The following DOCK3 variants were observed in gnomAD, a reference collection of about 807,000 sequenced individuals.
The protein encoded by DOCK3 is dedicator of cytokinesis protein 3.
DOCK3 carries 60 observed loss-of-function variants against 265.6 expected under a neutral mutation model. That is an observed-to-expected ratio of 0.23 (90% CI 0.18 to 0.28). DOCK3 has a LOEUF of 0.28. Among genes scored for constraint, DOCK3 ranks in the 10% least tolerant of loss-of-function variants. The probability of loss-of-function intolerance (pLI) is 1.00; values close to 1 mark genes in which losing one functional copy is unlikely to be tolerated. For missense variants in DOCK3, 1,981 were observed against 2,594.3 expected (o/e 0.76, Z 5.14); for synonymous variants, 881 against 938.0 (o/e 0.94, Z 1.11).
At chr3:50,987,407 A>G (rs1213513328) in intron 5 of DOCK3, among the ~76,000 whole-genome samples, 1 of 152,184 alleles carries the variant, frequency 6.6e-6, no homozygotes, top group Non-Finnish European at 1.5e-5. Context: ...CCTTAGAACA[A>G]TCTTATGAGC....
At chr3:50,891,116 A>G (rs1179805129) in intron 4 of DOCK3, among the ~76,000 whole-genome samples, 5 of 151,986 alleles carry the variant, frequency 3.3e-5, no homozygotes, top group South Asian at 4.1e-4. Context: ...GCTGGAACCT[A>G]TTTTCACTGT....
At chr3:50,857,044 A>G (rs1050180822) in intron 3 of DOCK3, among the ~76,000 whole-genome samples, 2 of 152,182 alleles carry the variant, frequency 1.3e-5, no homozygotes, top group Non-Finnish European at 2.9e-5. Context: ...GTGATTAATT[A>G]TCTTTTGATG....
At chr3:50,936,492 A>C (rs1387414450) in intron 5 of DOCK3, among the ~76,000 whole-genome samples, 1 of 152,148 alleles carries the variant, frequency 6.6e-6, no homozygotes, top group East Asian at 1.9e-4. Flanking sequence ...ACCCCAAAGA[A>C]ATCTATACTC....
intron 2 of DOCK3, among the ~76,000 whole-genome samples, chr3:50,830,567 G>C (rs1576575953): frequency 6.6e-6 from 1 of 152,252 alleles, no homozygotes; most frequent in East Asian, 1.9e-4. Context: ...GATCTGGTTT[G>C]ATTGGTTTGC....
At chr3:51,216,496 C>T (rs2089796634) in intron 14 of DOCK3, among the ~76,000 whole-genome samples, 1 of 152,178 alleles carries the variant, frequency 6.6e-6, no homozygotes, top group Non-Finnish European at 1.5e-5. Context: ...GGCTGTGAGC[C>T]TGCCTTTGAA....
rs1174611907 is a variant in DOCK3 at position 50,675,008 on chromosome 3, G to C, written c.-256G>C. On this transcript the variant is annotated 5_prime_UTR_variant, in exon 1 of 53. Coordinates refer to ENST00000266037, the MANE Select transcript of DOCK3 (RefSeq NM_004947.5). The surrounding 1 kb of genome is among the most constrained non-coding windows in gnomAD (Gnocchi z 6.1). Reference sequence around the variant, plus strand: ...TGAAGAAGCAAGCGGCGGCACGGGAGCAGCGGCGACGGACAGGTGGCGAGC... The same window carrying C: ...TGAAGAAGCAAGCGGCGGCACGGGACCAGCGGCGACGGACAGGTGGCGAGC... 1 of 151,590 alleles carries C rather than the reference G, an allele frequency of 6.6e-6. No individual in the cohort carries two copies. Among genetic ancestry groups the C allele is most frequent in the Admixed American group, 6.7e-5 (1 of 15,036 alleles). 9.4% of individuals were successfully genotyped at this position (151,590 alleles called of 1,614,324 possible).
Position 50,715,011 on chromosome 3 carries a change from A to G in DOCK3, c.37+39711A>G, listed in dbSNP as rs149833427. Among the ~76,000 whole-genome samples the G allele has an allele frequency of 3.9e-5, 6 of 152,250 alleles. No homozygotes were observed. In the East Asian group the frequency reaches 7.7e-4, roughly 20 times the overall value. ...ACCTTTTATGTGCTTTAGCAATTGC[A>G]CTCAACATATTTTATAAGGATTACT... On this transcript the variant is annotated intron_variant, in intron 1 of 52. Transcript: ENST00000266037.
Position 51,115,013 on chromosome 3 carries a change from A to G in DOCK3, c.746+24629A>G, listed in dbSNP as rs1156470109. 2.0e-5 allele frequency among the ~76,000 whole-genome samples: 3 copies of G among 152,002 alleles called. No homozygotes were observed. The East Asian group carries it at 5.8e-4, about 29-fold the overall frequency. Reference sequence around the variant, plus strand: ...CTTTTTTATGACTGCATAGTATTCCATGTTGTATATGTGCCACATTTTCTT... The same window carrying G: ...CTTTTTTATGACTGCATAGTATTCCGTGTTGTATATGTGCCACATTTTCTT... On this transcript the variant is annotated intron_variant, in intron 9 of 52. Coordinates refer to ENST00000266037, the MANE Select transcript of DOCK3 (RefSeq NM_004947.5).
chr3:50,803,255 G>A (rs1342310814), intron 2 of DOCK3, among the ~76,000 whole-genome samples: 1 of 151,996 alleles, frequency 6.6e-6, no homozygotes, highest in African/African-American at 2.4e-5. Context: ...GGGTACTTGA[G>A]ATTAGGGAGT....
intron 9 of DOCK3, among the ~76,000 whole-genome samples, chr3:51,103,913 A>G (rs1474032328): frequency 2.0e-5 from 3 of 152,170 alleles, no homozygotes; most frequent in Admixed American, 6.5e-5. Context: ...TCTACCCATA[A>G]TGGGGGATGA....
intron 2 of DOCK3, among the ~76,000 whole-genome samples, chr3:50,810,248 T>A (rs1169436945): frequency 6.6e-6 from 1 of 152,118 alleles, no homozygotes. Flanking sequence ...GTATGTATAC[T>A]CTTTAAAAAT....
chr3:50,877,660 C>A (rs948277563), intron 3 of DOCK3: 8 of 357,552 alleles, frequency 2.2e-5, no homozygotes, highest in Non-Finnish European at 4.3e-5. Context: ...TTTTTCTTTT[C>A]TTTTCTTTTC....
At chr3:50,707,309 T>C (rs576041937) in intron 1 of DOCK3, among the ~76,000 whole-genome samples, 28 of 151,956 alleles carry the variant, frequency 1.8e-4, no homozygotes, top group Non-Finnish European at 3.7e-4. Context: ...TGGTAGGGCA[T>C]GCCTGTAATA....
chr3:50,966,502 C>T (rs201927449), intron 5 of DOCK3, among the ~76,000 whole-genome samples: 251 of 113,998 alleles, frequency 2.2e-3, no homozygotes, highest in Non-Finnish European at 2.8e-3. Context: ...TTTTTTCTTC[C>T]TTTTTTTTTT....
intron 5 of DOCK3, among the ~76,000 whole-genome samples, chr3:51,052,822 C>G (rs939788808): frequency 6.6e-6 from 1 of 151,802 alleles, no homozygotes; most frequent in Non-Finnish European, 1.5e-5. Flanking sequence ...TATTCTTTTA[C>G]TGTGGAATGT....
chr3:51,125,534 A>G (rs2084227901), intron 9 of DOCK3, among the ~76,000 whole-genome samples: 1 of 152,170 alleles, frequency 6.6e-6, no homozygotes, highest in African/African-American at 2.4e-5. Context: ...GTGCTGTGAC[A>G]TGTAATATCA....
At chr3:51,269,133 C>CTATA (rs1181268979) in intron 23 of DOCK3, among the ~76,000 whole-genome samples, 4 of 146,514 alleles carry the variant, frequency 2.7e-5, no homozygotes, top group African/African-American at 7.5e-5. Context: ...CTCTCTCTCT[C>CTATA]TCTCTATATA....
chr3:51,112,968 A>C (rs938045576), intron 9 of DOCK3, among the ~76,000 whole-genome samples: 4 of 152,218 alleles, frequency 2.6e-5, no homozygotes, highest in African/African-American at 9.6e-5. Flanking sequence ...TGTTACTAAT[A>C]CAGTGCTGAT....
chr3:50,972,078 A>G (rs1400081114), intron 5 of DOCK3, among the ~76,000 whole-genome samples: 1 of 152,192 alleles, frequency 6.6e-6, no homozygotes, highest in African/African-American at 2.4e-5. Context: ...GAAGATATCT[A>G]TCTTGTGGCT....
Sources: gnomAD v4.1 joint callset for allele counts (sites outside exome capture counted in the v4.1 genomes callset) on GRCh38, gnomAD v4.1.1 for gene constraint, Gnocchi (gnomAD v3.1) non-coding constraint, MANE v1.5 for transcripts, NCBI Gene and HGNC (gene_info 2026-07-23, HGNC 2026-07-21) for gene names.